SRGAP2C: variants seen among roughly 807,000 people sequenced by gnomAD.
SRGAP2C encodes the protein SLIT-ROBO Rho GTPase-activating protein 2C.
SRGAP2C carries 15 observed loss-of-function variants against 25.1 expected under a neutral mutation model. The observed-to-expected ratio is 0.60, with a 90% CI of 0.40 to 0.92. The LOEUF (loss-of-function observed/expected upper bound fraction) is 0.92. Ranked by LOEUF, SRGAP2C falls within the 40% of genes least tolerant of loss-of-function variation. The pLI is 0.00. For missense variants in SRGAP2C, 144 were observed against 264.4 expected (o/e 0.54, Z 3.16); for synonymous variants, 44 against 96.6 (o/e 0.46, Z 3.19).
At chr1:121,285,540 A>G in intron 3 of SRGAP2C, among the ~76,000 whole-genome samples, 1 of 143,840 alleles carries the variant, frequency 7.0e-6, no homozygotes, top group East Asian at 2.0e-4. Context: ...TGTTGAGGCC[A>G]TTATATCTAA....
In SRGAP2C at chr1:121,262,947, T is replaced by A. The variant is rs587742182; in HGVS notation, c.68-21856T>A. 1.3e-4 allele frequency among the ~76,000 whole-genome samples: 19 copies of A among 150,684 alleles called. No individual in the cohort carries two copies. The East Asian group carries it at 3.3e-3, about 26-fold the overall frequency. On this transcript the variant is annotated intron_variant, in intron 2 of 9. Transcript: ENST00000367123. ...CTAAAAGTATTCTAATGTCAAAAAA[T>A]TTTTTAAATCAAGTTGACATAATAC...
intron 2 of SRGAP2C, among the ~76,000 whole-genome samples, chr1:121,268,356 G>A: frequency 6.6e-6 from 1 of 151,636 alleles, no homozygotes; most frequent in African/African-American, 2.4e-5. Context: ...TGACCAGAGA[G>A]GCCAGTGTAG....
chr1:121,316,888 T>G (rs1658111462), intron 3 of SRGAP2C, among the ~76,000 whole-genome samples: 2 of 150,454 alleles, frequency 1.3e-5, no homozygotes, highest in Admixed American at 1.3e-4. Flanking sequence ...ACCAAGAGGG[T>G]TTAAAAGCCT....
intron 3 of SRGAP2C, among the ~76,000 whole-genome samples, chr1:121,316,944 C>A (rs1260860366): frequency 2.4e-4 from 36 of 151,582 alleles, no homozygotes; most frequent in African/African-American, 7.8e-4. Context: ...AGTGCTAACA[C>A]ATGGGATGTA....
intron 2 of SRGAP2C, among the ~76,000 whole-genome samples, chr1:121,272,503 G>C (rs587630266): frequency 6.6e-6 from 1 of 151,862 alleles, no homozygotes; most frequent in Admixed American, 6.6e-5. Context: ...TAAAAAGGTG[G>C]TTCCCCCTCT....
intron 3 of SRGAP2C, among the ~76,000 whole-genome samples, chr1:121,308,524 C>T (rs1291411409): frequency 2.9e-4 from 44 of 150,246 alleles, no homozygotes; most frequent in Non-Finnish European, 5.8e-4. Flanking sequence ...ACTTGTGAGC[C>T]TGGCACTTTG....
At chr1:121,340,564 GA>G (rs1270196204) in intron 4 of SRGAP2C, among the ~76,000 whole-genome samples, 3 of 148,302 alleles carry the variant, frequency 2.0e-5, no homozygotes, top group African/African-American at 7.5e-5. Context: ...TCAGGTGAAA[GA>G]CAGACCATAG....
chr1:121,199,626 A>T (rs1257863172), intron 2 of SRGAP2C, among the ~76,000 whole-genome samples: 1 of 80,864 alleles, frequency 1.2e-5, no homozygotes, highest in Non-Finnish European at 2.4e-5. Flanking sequence ...CCCCGTCTCT[A>T]TTAAAAATAC....
intron 2 of SRGAP2C, among the ~76,000 whole-genome samples, chr1:121,218,744 C>T (rs1214690997): frequency 3.3e-5 from 5 of 151,746 alleles, no homozygotes; most frequent in Non-Finnish European, 7.4e-5. Context: ...GAGACCCTGT[C>T]TCAGAGGGGG....
At position 121,217,845 on chromosome 1, in the gene SRGAP2C, A is replaced by T. The variant is rs1291646586; in HGVS notation, c.67+30332A>T. Reference sequence around the variant, plus strand: ...GACTATAAAGGGGTCTTGGGAAGGGATCTTACTCCTCTTTGATAGTTGGTA... The same window carrying T: ...GACTATAAAGGGGTCTTGGGAAGGGTTCTTACTCCTCTTTGATAGTTGGTA... On this transcript the variant is annotated intron_variant, in intron 2 of 9. Coordinates refer to ENST00000367123, the MANE Select transcript of SRGAP2C (RefSeq NM_001329984.2). Among the ~76,000 whole-genome samples, 3 of 152,026 alleles carry T rather than the reference A, an allele frequency of 2.0e-5. No individual in the cohort carries two copies. The East Asian group carries it at 5.8e-4, about 29-fold the overall frequency.
intron 6 of SRGAP2C, among the ~76,000 whole-genome samples, chr1:121,374,409 C>T (rs1659582516): frequency 6.6e-6 from 1 of 151,866 alleles, no homozygotes; most frequent in Admixed American, 6.6e-5. Flanking sequence ...TAGCAGAAAA[C>T]CAAGAAACAG....
intron 4 of SRGAP2C, among the ~76,000 whole-genome samples, chr1:121,347,571 C>T (rs1284125862): frequency 2.0e-5 from 3 of 152,072 alleles, no homozygotes; most frequent in African/African-American, 4.8e-5. Context: ...GGCTTGGAGA[C>T]CCTGACCCCA....
chr1:121,322,173 GA>G (rs1658224938), intron 3 of SRGAP2C, among the ~76,000 whole-genome samples: 1 of 149,660 alleles, frequency 6.7e-6, no homozygotes, highest in Non-Finnish European at 1.5e-5. Context: ...GAAATAGATT[GA>G]AACCAATTGT....
rs1357411058 is a variant in SRGAP2C, at chr1:121,199,498, C to T, written c.67+11985C>T. Among the ~76,000 whole-genome samples the T allele has an allele frequency of 3.9e-5, 3 of 77,296 alleles. 1 individual carries two copies. Among genetic ancestry groups the T allele is most frequent in the Non-Finnish European group, 7.6e-5 (3 of 39,464 alleles). 50.7% of individuals were successfully genotyped at this position (77,296 alleles called of 152,430 possible). On this transcript the variant is annotated intron_variant, in intron 2 of 9. Coordinates refer to ENST00000367123, the MANE Select transcript of SRGAP2C (RefSeq NM_001329984.2). Reference sequence around the variant, plus strand: ...GGTTCATGATTTTTGCTTATTAATACGTTGAAGATCGGCCTGGCTGGGTGG... The same window carrying T: ...GGTTCATGATTTTTGCTTATTAATATGTTGAAGATCGGCCTGGCTGGGTGG...
Position 121,268,336 on chromosome 1 carries a change from C to A in SRGAP2C, c.68-16467C>A, listed in dbSNP as rs1439185587. 2.6e-5 allele frequency among the ~76,000 whole-genome samples: 4 copies of A among 151,054 alleles called. No individual in the cohort carries two copies. The South Asian group carries it at 6.3e-4, about 24-fold the overall frequency. On this transcript the variant is annotated intron_variant, in intron 2 of 9. Transcript: ENST00000367123. ...AGGCCCTGAGGTGGGTGTTTGCTTG[C>A]CATGTTCTATGACCAGAGAGGCCAG...
At chr1:121,303,751 A>T (rs1278614049) in intron 3 of SRGAP2C, among the ~76,000 whole-genome samples, 10 of 151,838 alleles carry the variant, frequency 6.6e-5, no homozygotes, top group Non-Finnish European at 1.3e-4. Flanking sequence ...AGCCTATGAG[A>T]TCATATCAGT....
chr1:121,263,067 T>C (rs587752732), intron 2 of SRGAP2C, among the ~76,000 whole-genome samples: 2 of 152,116 alleles, frequency 1.3e-5, no homozygotes, highest in Non-Finnish European at 2.9e-5. Context: ...GTAATAAGAA[T>C]TTGAGACTGG....
Position 121,208,628 on chromosome 1 carries a change from A to G in SRGAP2C, c.67+21115A>G, listed in dbSNP as rs28612645. Among the ~76,000 whole-genome samples the G allele has an allele frequency of 6.2e-4, 94 of 152,242 alleles. 1 individual carries two copies. In the East Asian group the frequency reaches 0.017, roughly 27 times the overall value. On this transcript the variant is annotated intron_variant, in intron 2 of 9. Transcript: ENST00000367123. The stretch of plus-strand genomic sequence containing the variant: ...ATTCGCTATTTAACAAAATGAGGTC[A>G]TACCAATCACACTATTTTGCACGTA...
intron 3 of SRGAP2C, among the ~76,000 whole-genome samples, chr1:121,307,507 A>AT (rs1312586913): frequency 3.7e-5 from 5 of 133,856 alleles, no homozygotes; most frequent in African/African-American, 1.4e-4. Context: ...GCAGACGAGC[A>AT]TAAGAATCCA....
Sources: allele counts gnomAD v4.1 joint callset (sites outside exome capture counted in the v4.1 genomes callset), GRCh38; gene constraint gnomAD v4.1.1; transcripts MANE v1.5; gene names NCBI Gene and HGNC (gene_info 2026-07-23, HGNC 2026-07-21).